Variants in CAMK2A observed in about 807,000 individuals in gnomAD.
CAMK2A encodes the protein calcium/calmodulin-dependent protein kinase type II subunit alpha.
In CAMK2A, 7 loss-of-function variants were observed where a neutral mutation model predicts 79.2. That is an observed-to-expected ratio of 0.09 (90% confidence interval 0.05 to 0.17). The LOEUF (loss-of-function observed/expected upper bound fraction) is 0.17, where lower values mean the gene tolerates loss of function less well. Ranked by LOEUF, CAMK2A falls within the 10% of genes least tolerant of loss-of-function variation. CAMK2A has a pLI of 1.00. For synonymous variants in CAMK2A, 242 were observed against 251.7 expected (o/e 0.96, Z 0.36); for missense variants, 214 against 646.4 (o/e 0.33, Z 7.25).
intron 13 of CAMK2A, among the ~76,000 whole-genome samples, chr5:150,244,371 C>T (rs1259138507): frequency 6.6e-6 from 1 of 152,274 alleles, no homozygotes; most frequent in Non-Finnish European, 1.5e-5. Flanking sequence ...CATCCCACAC[C>T]TTCCAATGTC....
intron 3 of CAMK2A, among the ~76,000 whole-genome samples, chr5:150,260,956 C>A (rs527248022): frequency 2.0e-5 from 3 of 152,264 alleles, no homozygotes; most frequent in African/African-American, 4.8e-5. Flanking sequence ...CTCTGAGAAG[C>A]CAAGCTGCAG....
chr5:150,275,914 C>T (rs1314678081), intron 1 of CAMK2A, among the ~76,000 whole-genome samples: 1 of 152,202 alleles, frequency 6.6e-6, no homozygotes, highest in African/African-American at 2.4e-5. Context: ...AATCCCCAGC[C>T]CCCCTCCCCT....
chr5:150,276,574 C>T (rs554602457), intron 1 of CAMK2A, among the ~76,000 whole-genome samples: 64 of 152,304 alleles, frequency 4.2e-4, no homozygotes, highest in African/African-American at 1.4e-3. Context: ...TTTAGGTCCC[C>T]CTCTAGCTGG....
At chr5:150,232,100 C>G (rs1344372622) in intron 15 of CAMK2A, among the ~76,000 whole-genome samples, 2 of 152,128 alleles carry the variant, frequency 1.3e-5, no homozygotes, top group African/African-American at 4.8e-5. Flanking sequence ...TCAGTTTTCC[C>G]ATCTGTAAAA....
In CAMK2A at chr5:150,259,413, T is replaced by C. The variant is rs528356590; in HGVS notation, c.218-1796A>G. On this transcript the variant is annotated intron_variant, in intron 3 of 18. Coordinates refer to ENST00000671881, the MANE Select transcript of CAMK2A (RefSeq NM_015981.4). The stretch of plus-strand genomic sequence containing the variant: ...CACAGGCATTTGTCGTCCCAGCTAT[T>C]TGGGAAGCTAAGGTGGGAGGGTTGT... Among the ~76,000 whole-genome samples the C allele has an allele frequency of 3.3e-5, 5 of 151,878 alleles. No homozygotes were observed. The East Asian group carries it at 9.7e-4, about 30-fold the overall frequency.
chr5:150,289,016 G>A (rs1005318100), intron 1 of CAMK2A, among the ~76,000 whole-genome samples: 5 of 152,078 alleles, frequency 3.3e-5, no homozygotes, highest in Non-Finnish European at 5.9e-5. Flanking sequence ...CTGTACTGAC[G>A]CCCTCACTCC....
chr5:150,248,659 A>T (rs1161908725), intron 11 of CAMK2A, among the ~76,000 whole-genome samples: 1 of 152,104 alleles, frequency 6.6e-6, no homozygotes, highest in Non-Finnish European at 1.5e-5. Flanking sequence ...TACAAAGGAC[A>T]GGAACTCATC....
At chr5:150,270,249 T>C (rs530680719) in intron 2 of CAMK2A, among the ~76,000 whole-genome samples, 21 of 152,334 alleles carry the variant, frequency 1.4e-4, no homozygotes, top group African/African-American at 5.1e-4. Flanking sequence ...TGAATCCAAC[T>C]TCATGGGTGG....
chr5:150,263,228 GCCATAA>G (rs1172733023), intron 3 of CAMK2A, among the ~76,000 whole-genome samples: 1 of 152,210 alleles, frequency 6.6e-6, no homozygotes, highest in African/African-American at 2.4e-5. Context: ...CAGCTCCAAA[GCCATAA>G]CCTCCTGCTC....
chr5:150,262,371 A>AT (rs1268265383), intron 3 of CAMK2A, among the ~76,000 whole-genome samples: 1 of 152,138 alleles, frequency 6.6e-6, no homozygotes, highest in Non-Finnish European at 1.5e-5. Flanking sequence ...CTTTGGGAAG[A>AT]TTACAATTTT....
chr5:150,250,569 G>A, intron 10 of CAMK2A, 119 bp downstream of exon 10: 3 of 1,372,306 alleles, frequency 2.2e-6, no homozygotes, highest in Non-Finnish European at 3.0e-6. Flanking sequence ...AGCAGGGGCA[G>A]TCTCTTGGAT....
chr5:150,251,923 G>A (rs1004627961), intron 8 of CAMK2A, 59 bp downstream of exon 8: 34 of 1,567,182 alleles, frequency 2.2e-5, no homozygotes, highest in Non-Finnish European at 2.9e-5. Context: ...AAAGGAGAGA[G>A]GGGGCCCCAG....
intron 16 of CAMK2A, among the ~76,000 whole-genome samples, chr5:150,229,316 G>A (rs1562135766): frequency 6.6e-6 from 1 of 152,304 alleles, no homozygotes; most frequent in East Asian, 1.9e-4. Context: ...CAGACCAAAC[G>A]GGATGCCCAG....
chr5:150,246,384 C>T (rs549917806), intron 12 of CAMK2A, among the ~76,000 whole-genome samples: 24 of 152,304 alleles, frequency 1.6e-4, no homozygotes, highest in African/African-American at 5.3e-4. Flanking sequence ...TCAAGGTAGA[C>T]GCCCCTCTCA....
At chr5:150,226,892 C>T (rs1754628454) in intron 17 of CAMK2A, among the ~76,000 whole-genome samples, 1 of 151,450 alleles carries the variant, frequency 6.6e-6, no homozygotes, top group South Asian at 2.1e-4. Flanking sequence ...CAGCCTCAGC[C>T]TCCCGAGCAG....
At chr5:150,230,317 CAAAAAAA>C (rs1216883745) in intron 16 of CAMK2A, among the ~76,000 whole-genome samples, 6 of 60,642 alleles carry the variant, frequency 9.9e-5, no homozygotes, top group African/African-American at 1.3e-4. Context: ...GACTCCGTCT[CAAAAAAA>C]AAAAAAAAAA....
rs915066221 is a variant in CAMK2A, at chr5:150,219,814, C to T, written c.*2896G>A. 2 of 152,044 alleles carry T rather than the reference C, an allele frequency of 1.3e-5. No homozygotes were observed. The highest frequency in any genetic ancestry group is 6.6e-5 in the Admixed American group (1 of 15,216). The allele number at this position is 152,044 out of a possible 1,614,324, so 9.4% of individuals were successfully genotyped here. A position where few individuals can be genotyped will look rare whatever the true frequency, so the allele number is the denominator to read the frequency against. The stretch of plus-strand genomic sequence containing the variant: ...ACCCAGGAGAACACTTTCCTGTAAA[C>T]GTGTTTTCATGCTGGAGCCAAGGTT... On this transcript the variant is annotated 3_prime_UTR_variant, in exon 19 of 19. Coordinates refer to ENST00000671881, the MANE Select transcript of CAMK2A (RefSeq NM_015981.4).
Position 150,228,191 on chromosome 5 carries a change from C to T in CAMK2A, c.1237+1G>A, listed in dbSNP as rs113331868. 6.2e-7 allele frequency: 1 copy of T among 1,611,144 alleles called. No homozygotes were observed. The highest frequency in any genetic ancestry group is 8.5e-7 in the Non-Finnish European group (1 of 1,177,846). On this transcript the variant is annotated splice_donor_variant, in intron 17 of 18. Coordinates refer to ENST00000671881, the MANE Select transcript of CAMK2A (RefSeq NM_015981.4). LOFTEE classifies it high-confidence loss of function. ...CACCACAGAGAGAAGGAATTGCTCA[C>T]GGTTTTCAAAATAGAATCGATGGAA...
At chr5:150,259,954 G>T (rs2150288092) in intron 3 of CAMK2A, among the ~76,000 whole-genome samples, 1 of 152,078 alleles carries the variant, frequency 6.6e-6, no homozygotes, top group African/African-American at 2.4e-5. Flanking sequence ...GGGCAACAGA[G>T]CAAGGCATCA....
Sources: gnomAD v4.1 joint callset for allele counts (sites outside exome capture counted in the v4.1 genomes callset) on GRCh38, gnomAD v4.1.1 for gene constraint, MANE v1.5 for transcripts, NCBI Gene and HGNC (gene_info 2026-07-23, HGNC 2026-07-21) for gene names.